Variants in MTMR14 observed in about 807,000 individuals in gnomAD.
The protein encoded by MTMR14 is myotubularin related protein 14.
A neutral mutation model predicts 86.3 loss-of-function variants in MTMR14; 48 were observed. The observed-to-expected ratio is 0.56, with a 90% CI of 0.44 to 0.71. The LOEUF is 0.71. Among genes scored for constraint, MTMR14 ranks in the 30% least tolerant of loss-of-function variants. The pLI, the probability that MTMR14 is intolerant of heterozygous loss-of-function variation, is 0.00. For missense variants in MTMR14, 780 were observed against 834.6 expected, an observed-to-expected ratio of 0.93 and a Z score of 0.81; for synonymous variants, 366 against 326.1, an observed-to-expected ratio of 1.12 and a Z score of -1.32.
Position 9,671,054 on chromosome 3 carries a change from T to C in MTMR14, c.561T>C (p.Gly187=), listed in dbSNP as rs1324905481. ...VTEEDCALRS[G]DTHLFDKVRG... ...CTCTGGCTCTTTATTTCAGAAGTGG[T>C]GACACGCATCTTTTTGATAAGGTCA... The change falls in exon 6 of 19, where the codon GGT becomes GGC. Residue 187 remains glycine (G), a synonymous_variant. Coordinates refer to ENST00000296003, the MANE Select transcript of MTMR14 (RefSeq NM_001077525.3). 1.2e-6 allele frequency: 2 copies of C among 1,614,144 alleles called. No individual in the cohort carries two copies. Among genetic ancestry groups the C allele is most frequent in the Admixed American group, 3.3e-5 (2 of 60,016 alleles).
chr3:9,650,208 C>T, intron 1 of MTMR14: 1 of 417,372 alleles, frequency 2.4e-6, no homozygotes, highest in South Asian at 1.7e-5. Context: ...CTCAGCATGA[C>T]TTAGGCCCAT....
At chr3:9,663,735 G>A (rs868382415) in intron 3 of MTMR14, among the ~76,000 whole-genome samples, 6 of 150,742 alleles carry the variant, frequency 4.0e-5, no homozygotes, top group African/African-American at 1.5e-4. Flanking sequence ...GGATTGTCTC[G>A]ATCTCCTGAC....
intron 3 of MTMR14, among the ~76,000 whole-genome samples, chr3:9,666,280 C>T (rs2048254119): frequency 2.0e-5 from 3 of 152,046 alleles, no homozygotes; most frequent in East Asian, 1.9e-4. Context: ...ATTATAGGCA[C>T]GTGCCTCCAC....
At chr3:9,668,511 T>G (rs575355788) in intron 3 of MTMR14, among the ~76,000 whole-genome samples, 1 of 152,320 alleles carries the variant, frequency 6.6e-6, no homozygotes, top group East Asian at 1.9e-4. Context: ...GCCTCTTGTT[T>G]GGGAGTGAGA....
In MTMR14 at chr3:9,689,852, A is replaced by T. The variant is rs374092163; in HGVS notation, c.1434-112A>T. On this transcript the variant is annotated intron_variant, in intron 16 of 18. Transcript: ENST00000296003. The stretch of plus-strand genomic sequence containing the variant: ...AGAGAGTGCTAATGTTTGCCAACTC[A>T]TGTGATGTTTTCCCAGTGGAAGTAA... 3.7e-5 allele frequency: 40 copies of T among 1,076,724 alleles called. No individual in the cohort carries two copies. The East Asian group carries it at 9.9e-4, about 27-fold the overall frequency. The allele number at this position is 1,076,724 out of a possible 1,614,324, so 66.7% of individuals were successfully genotyped here.
chr3:9,693,999 G>A (rs11131183), intron 17 of MTMR14, among the ~76,000 whole-genome samples: 13,138 of 152,240 alleles, frequency 0.086, 587 homozygotes, highest in Middle Eastern at 0.12. Context: ...TTCCCTGATG[G>A]TGGCAAAATG....
At chr3:9,680,185 C>G (rs1470979651) in intron 9 of MTMR14, among the ~76,000 whole-genome samples, 1 of 152,190 alleles carries the variant, frequency 6.6e-6, no homozygotes, top group Non-Finnish European at 1.5e-5. Flanking sequence ...TACCCAGATG[C>G]TCACACCTGA....
At chr3:9,667,385 G>T (rs2048313659) in intron 3 of MTMR14, among the ~76,000 whole-genome samples, 1 of 152,142 alleles carries the variant, frequency 6.6e-6, no homozygotes, top group Non-Finnish European at 1.5e-5. Flanking sequence ...TTCATCAGTG[G>T]ACTTGAGAGA....
At chr3:9,651,095 T>C (rs2047259941) in intron 1 of MTMR14, among the ~76,000 whole-genome samples, 1 of 146,686 alleles carries the variant, frequency 6.8e-6, no homozygotes, top group Admixed American at 6.8e-5. Flanking sequence ...GGCTTTTTTG[T>C]TTGTTTGTTT....
At chr3:9,670,197 C>T (rs913120987) in intron 5 of MTMR14, among the ~76,000 whole-genome samples, 1 of 152,254 alleles carries the variant, frequency 6.6e-6, no homozygotes, top group Non-Finnish European at 1.5e-5. Context: ...TAGTTAAGAT[C>T]AGCTTCCCAA....
At chr3:9,676,945 G>A (rs956113335) in intron 7 of MTMR14, among the ~76,000 whole-genome samples, 1 of 152,224 alleles carries the variant, frequency 6.6e-6, no homozygotes, top group Non-Finnish European at 1.5e-5. Flanking sequence ...AGGCTGCAGT[G>A]GCTCACGTTG....
chr3:9,688,680 C>T lies in MTMR14; in HGVS notation c.1236-16C>T, dbSNP rs372922073. On this transcript the variant is annotated splice_polypyrimidine_tract_variant and intron_variant, in intron 14 of 18. Coordinates refer to ENST00000296003, the MANE Select transcript of MTMR14 (RefSeq NM_001077525.3). ...CAGATAGATCTGGAATTTACTGCTCCGGCTTCCATTTCTAGGAGGAAGAGT... is the reference window on the plus strand; with the variant it reads ...CAGATAGATCTGGAATTTACTGCTCTGGCTTCCATTTCTAGGAGGAAGAGT... The T allele has an allele frequency of 1.1e-5, 18 of 1,614,058 alleles. No individual in the cohort carries two copies. Among genetic ancestry groups the T allele is most frequent in the East Asian group, 6.7e-5 (3 of 44,884 alleles).
At chr3:9,675,552 TAG>T (rs1159338826) in intron 7 of MTMR14, 1 of 456,968 alleles carries the variant, frequency 2.2e-6, no homozygotes, top group Non-Finnish European at 4.4e-6. Flanking sequence ...CACACCAAAA[TAG>T]ATGGTCCCAA....
intron 1 of MTMR14, chr3:9,650,655 C>G (rs1444421333): frequency 4.3e-6 from 1 of 230,052 alleles, no homozygotes; most frequent in African/African-American, 2.2e-5. Context: ...GTCTGGGGAC[C>G]ACCTGTTTAA....
chr3:9,663,375 T>C lies in MTMR14; in HGVS notation c.417+1000T>C, dbSNP rs2048048397. Among the ~76,000 whole-genome samples the C allele has an allele frequency of 3.3e-5, 5 of 152,032 alleles. No individual in the cohort carries two copies. In the South Asian group the frequency reaches 1.0e-3, roughly 32 times the overall value. On this transcript the variant is annotated intron_variant, in intron 3 of 18. Transcript: ENST00000296003. ...AAAGCTTTCTTCTTCAGATCAGTTT[T>C]AGGGAAAAGTATGTATGGAAGTTAG...
At chr3:9,664,698 A>T (rs2048149531) in intron 3 of MTMR14, among the ~76,000 whole-genome samples, 1 of 152,200 alleles carries the variant, frequency 6.6e-6, no homozygotes, top group African/African-American at 2.4e-5. Context: ...TAAAAAAATT[A>T]AAACAATTGA....
chr3:9,680,254 C>T (rs188414239), intron 9 of MTMR14, among the ~76,000 whole-genome samples: 10 of 152,266 alleles, frequency 6.6e-5, no homozygotes, highest in African/African-American at 2.4e-4. Flanking sequence ...TCTCTAGTCT[C>T]TGCCCCTAGT....
rs1334764374 is a variant in MTMR14, at chr3:9,702,230, C to T, written c.*257C>T. 1 of 552,382 alleles carries T rather than the reference C, an allele frequency of 1.8e-6. No individual in the cohort carries two copies. The highest frequency in any genetic ancestry group is 2.9e-5 in the Admixed American group (1 of 34,258). 34.2% of individuals were successfully genotyped at this position (552,382 alleles called of 1,614,324 possible). On this transcript the variant is annotated 3_prime_UTR_variant, in exon 19 of 19. Coordinates refer to ENST00000296003, the MANE Select transcript of MTMR14 (RefSeq NM_001077525.3). ...CCATCTTTGCTGGGATTCCCATCAA[C>T]TCTCAGAACTGTGTGGGGTTTCCCT...
intron 2 of MTMR14, among the ~76,000 whole-genome samples, chr3:9,655,601 C>T (rs896475259): frequency 6.7e-6 from 1 of 149,072 alleles, no homozygotes; most frequent in Non-Finnish European, 1.5e-5. Context: ...GCTGGGATTA[C>T]AGGCGCCCGC....
Sources: allele counts gnomAD v4.1 joint callset (sites outside exome capture counted in the v4.1 genomes callset), GRCh38; gene constraint gnomAD v4.1.1; transcripts MANE v1.5; gene names NCBI Gene and HGNC (gene_info 2026-07-23, HGNC 2026-07-21).